ZFHX2: variants seen among roughly 807,000 people sequenced by gnomAD.
ZFHX2 encodes zinc finger homeobox 2, also known as zinc finger homeobox protein 2.
A neutral mutation model predicts 164.8 loss-of-function variants in ZFHX2; 75 were observed. The observed-to-expected ratio is 0.46, with a 90% CI of 0.38 to 0.55. The LOEUF (loss-of-function observed/expected upper bound fraction) is 0.55, where lower values mean the gene tolerates loss of function less well. ZFHX2 is among the 20% of genes least tolerant of loss of function. ZFHX2 has a pLI of 0.00. For synonymous variants in ZFHX2, 1,217 were observed against 1,351.4 expected, an observed-to-expected ratio of 0.90 and a Z score of 2.18; for missense variants, 2,933 against 3,308.0, an observed-to-expected ratio of 0.89 and a Z score of 2.78.
Position 23,525,565 on chromosome 14 carries a change from C to T in ZFHX2, c.4377G>A (p.Lys1459=), listed in dbSNP as rs1228035610. The change falls in exon 9 of 10, where the codon AAG becomes AAA. Residue 1459 remains lysine, a synonymous_variant. Transcript: ENST00000419474. The surrounding 1 kb of genome is among the most constrained non-coding windows in gnomAD (Gnocchi z 5.9). ...GGGTAGGGGGAGGGGGCACAGCTTG[C>T]TTCCCTTCATTGTACTGGATCACCA... ...FELVIQYNEG[K]QAVPPPPTPP... The T allele has an allele frequency of 6.5e-7, 1 of 1,535,642 alleles. No individual in the cohort carries two copies. The highest frequency in any genetic ancestry group is 1.2e-5 in the South Asian group (1 of 84,058).
chr14:23,545,066 A>C (rs1881247602), intron 1 of ZFHX2, among the ~76,000 whole-genome samples: 1 of 151,014 alleles, frequency 6.6e-6, no homozygotes. Flanking sequence ...TGTCCTCCAC[A>C]TTGCCATTTC....
intron 1 of ZFHX2, chr14:23,544,346 T>C (rs1281225859): frequency 6.6e-6 from 1 of 151,712 alleles, no homozygotes; most frequent in Non-Finnish European, 1.5e-5. Flanking sequence ...AGGATCATCA[T>C]TGAGATTGGC....
chr14:23,555,637 A>C (rs908241466), upstream of ZFHX2: 1 of 152,168 alleles, frequency 6.6e-6, no homozygotes, highest in African/African-American at 2.4e-5. Flanking sequence ...AAAACTCCAG[A>C]GTAGCTAAAC....
At position 23,533,049 on chromosome 14, in the gene ZFHX2, G is replaced by A; in HGVS notation, c.2077C>T (p.Pro693Ser). The change falls in exon 3 of 10, where the codon CCA becomes TCA. Residue 693 changes from proline (P) to serine (S), a missense_variant. By Grantham distance (74) the Pro-to-Ser change is moderately conservative. Transcript: ENST00000419474. The surrounding 1 kb of genome is among the most constrained non-coding windows in gnomAD (Gnocchi z 4.8). ...GATGAGGAACCCAGGAGCTGACTTG[G>A]AGGCAGGTGGGCATCAGGGGATAGG... Reference protein sequence around the residue: ...GSLSPDAHLPPSQLLGSSSDS... With the variant: ...GSLSPDAHLPSSQLLGSSSDS... 1 of 1,534,222 alleles carries A rather than the reference G, an allele frequency of 6.5e-7. No homozygotes were observed. The highest frequency in any genetic ancestry group is 1.2e-5 in the South Asian group (1 of 83,866).
rs922208606 is a variant in ZFHX2, at chr14:23,535,109, T to C, written c.217A>G (p.Ile73Val). 6.5e-7 allele frequency: 1 copy of C among 1,536,120 alleles called. No individual in the cohort carries two copies. Among genetic ancestry groups the C allele is most frequent in the Non-Finnish European group, 8.7e-7 (1 of 1,146,876 alleles). ...TCAGGCCCTTCCTGGGGCTCCCCAA[T>C]CTCCTTTGGTGGGACGAGGCCACAG... ...SGCGLVPPKE[I>V]GEPQEGPDCG... Residue 73 changes from isoleucine to valine, a missense_variant, in exon 2 of 10, where the codon ATT becomes GTT. Transcript: ENST00000419474. This position sits in a 1 kb window ranked among gnomAD's most constrained non-coding sequence, Gnocchi z 4.5.
chr14:23,525,245 T>G lies in ZFHX2; in HGVS notation c.4697A>C (p.Glu1566Ala), dbSNP rs1878551375. The change falls in exon 9 of 10, where the codon GAA becomes GCA. Residue 1566 changes from glutamate to alanine, a missense_variant. Transcript: ENST00000419474. The surrounding 1 kb of genome is among the most constrained non-coding windows in gnomAD (Gnocchi z 5.9). ...GTGTCCCCCTGCTCGACTTCGCTCTTCAGGGGCACGGGTCCCCCCTGCCTC... is the reference window on the plus strand; with the variant it reads ...GTGTCCCCCTGCTCGACTTCGCTCTGCAGGGGCACGGGTCCCCCCTGCCTC... ...EPEAGGTRAP[E>A]ERSRAGGHWP... 2.0e-6 allele frequency: 3 copies of G among 1,536,070 alleles called. No individual in the cohort carries two copies. The highest frequency in any genetic ancestry group is 3.3e-4 in the Middle Eastern group (2 of 5,990).
rs867958430 is a variant in ZFHX2, at chr14:23,523,742, C to A, written c.6200G>T (p.Arg2067Leu). The A allele has an allele frequency of 6.5e-7, 1 of 1,536,208 alleles. No individual in the cohort carries two copies. Among genetic ancestry groups the A allele is most frequent in the Non-Finnish European group, 8.7e-7 (1 of 1,146,914 alleles). Residue 2067 changes from arginine (R) to leucine (L), a missense_variant, in exon 9 of 10, where the codon CGC (arginine) becomes CTC (leucine). Coordinates refer to ENST00000419474, the MANE Select transcript of ZFHX2 (RefSeq NM_033400.3). The surrounding 1 kb of genome is among the most constrained non-coding windows in gnomAD (Gnocchi z 4.1). ...TGVPDGMGQR[R>L]YRTQMSSLQL... is the part of the protein sequence containing the mutation. ...CAGGCTGCTCATCTGGGTCCTGTAG[C>A]GCCGCTGCCCCATTCCATCTGGAAC... is the stretch of plus-strand genomic sequence containing the variant.
rs1879907189 is a variant in ZFHX2 at position 23,534,207 on chromosome 14, A to G, written c.1119T>C (p.Asp373=). ...SPVAAGEAGP[D]WFPEGQEEDG... ...CCTCTTCTTGCCCCTCAGGGAACCA[A>G]TCTGGCCCTGCCTCGCCTGCTGCTA... Residue 373 remains aspartate (D), a synonymous_variant, in exon 2 of 10, where the codon GAT becomes GAC. Transcript: ENST00000419474. The surrounding 1 kb of genome is among the most constrained non-coding windows in gnomAD (Gnocchi z 4.5). The G allele has an allele frequency of 2.7e-6, 4 of 1,495,394 alleles. No individual in the cohort carries two copies. The highest frequency in any genetic ancestry group is 3.6e-6 in the Non-Finnish European group (4 of 1,126,016). 92.6% of individuals were successfully genotyped at this position (1,495,394 alleles called of 1,614,324 possible). A position where few individuals can be genotyped will look rare whatever the true frequency, so the allele number is the denominator to read the frequency against.
rs1881929927 is a variant in ZFHX2, at chr14:23,551,314, C to T, written c.-50+29G>A. Reference sequence around the variant, plus strand: ...AGAGGGAGAGGAGAAAAAAACCAACCCAGCAGCATCGGAAATCGATGCACT... The same window carrying T: ...AGAGGGAGAGGAGAAAAAAACCAACTCAGCAGCATCGGAAATCGATGCACT... On this transcript the variant is annotated intron_variant, in intron 1 of 9. Transcript: ENST00000419474. This position sits in a 1 kb window ranked among gnomAD's most constrained non-coding sequence, Gnocchi z 5.3. 6.6e-6 allele frequency: 1 copy of T among 152,592 alleles called. No homozygotes were observed. Among genetic ancestry groups the T allele is most frequent in the Non-Finnish European group, 1.5e-5 (1 of 68,062 alleles). The allele number at this position is 152,592 out of a possible 1,614,324, so 9.5% of individuals were successfully genotyped here.
chr14:23,541,880 CT>C (rs1408747336), intron 1 of ZFHX2, among the ~76,000 whole-genome samples: 1 of 152,170 alleles, frequency 6.6e-6, no homozygotes, highest in African/African-American at 2.4e-5. Flanking sequence ...TACTTTGATT[CT>C]TCCCTTTTAA....
In ZFHX2 at chr14:23,521,816, G is replaced by A; in HGVS notation, c.*146C>T. 7.4e-7 allele frequency: 1 copy of A among 1,358,996 alleles called. No homozygotes were observed. 84.2% of individuals were successfully genotyped at this position (1,358,996 alleles called of 1,614,324 possible). The stretch of plus-strand genomic sequence containing the variant: ...CTCTGCTGGAAGTGGGGTGTGTGGT[G>A]CCCACTGAGGGTGGGAACTGAACAG... On this transcript the variant is annotated 3_prime_UTR_variant, in exon 10 of 10. Coordinates refer to ENST00000419474, the MANE Select transcript of ZFHX2 (RefSeq NM_033400.3).
intron 1 of ZFHX2, among the ~76,000 whole-genome samples, chr14:23,542,619 G>A (rs185107295): frequency 4.4e-4 from 67 of 152,264 alleles, no homozygotes; most frequent in East Asian, 3.5e-3. Context: ...GAACCAGCTC[G>A]GAACCCTTCT....
At chr14:23,540,729 AATG>A (rs1880706019) in intron 1 of ZFHX2, among the ~76,000 whole-genome samples, 1 of 152,172 alleles carries the variant, frequency 6.6e-6, no homozygotes, top group Non-Finnish European at 1.5e-5. Flanking sequence ...AAATGGGAAT[AATG>A]ATATTTTCCT....
Position 23,523,827 on chromosome 14 carries a change from C to G in ZFHX2, c.6115G>C (p.Ala2039Pro). The G allele has an allele frequency of 6.5e-7, 1 of 1,536,232 alleles. No individual in the cohort carries two copies. Among genetic ancestry groups the G allele is most frequent in the Non-Finnish European group, 8.7e-7 (1 of 1,146,930 alleles). ...DLSDSSASSL[A>P]EPESPGAGGT... ...CCAGCCCCAGGGGATTCTGGTTCAGCTAGGCTGGAAGCAGATGAATCACTC... is the reference window on the plus strand; with the variant it reads ...CCAGCCCCAGGGGATTCTGGTTCAGGTAGGCTGGAAGCAGATGAATCACTC... Residue 2039 changes from alanine to proline, a missense_variant, in exon 9 of 10, where the codon GCT becomes CCT. Physicochemically the swap from Ala to Pro is conservative, Grantham distance 27 (BLOSUM62 -1). Transcript: ENST00000419474. The surrounding 1 kb of genome is among the most constrained non-coding windows in gnomAD (Gnocchi z 4.1).
At position 23,541,444 on chromosome 14, in the gene ZFHX2, C is replaced by T. The variant is rs539394888; in HGVS notation, c.-49-6070G>A. On this transcript the variant is annotated intron_variant, in intron 1 of 9. Coordinates refer to ENST00000419474, the MANE Select transcript of ZFHX2 (RefSeq NM_033400.3). ...CTGAGACTATAGGCAGGCTCCACCACGCCCAGCTAATTTTGTATTTTTAGT... is the reference window on the plus strand; with the variant it reads ...CTGAGACTATAGGCAGGCTCCACCATGCCCAGCTAATTTTGTATTTTTAGT... Among the ~76,000 whole-genome samples the T allele has an allele frequency of 3.1e-4, 47 of 152,170 alleles. 1 individual carries two copies. The South Asian group carries it at 8.1e-3, about 26-fold the overall frequency.
intron 1 of ZFHX2, among the ~76,000 whole-genome samples, chr14:23,550,510 CA>C (rs1303509030): frequency 6.6e-6 from 1 of 152,142 alleles, no homozygotes; most frequent in Admixed American, 6.5e-5. Context: ...GAGACAGTGA[CA>C]TACAGATCCA....
At position 23,534,148 on chromosome 14, in the gene ZFHX2, G is replaced by A; in HGVS notation, c.1178C>T (p.Ser393Leu). The part of the protein sequence containing the change: ...GGLCPPLNQS[S>L]PTSKEGGTLP... ...AGTGCCCCCCTCCTTGGAGGTGGGT[G>A]AGCTTTGGTTGAGTGGGGGGCAGAG... The change falls in exon 2 of 10, where the codon TCA (serine) becomes TTA (leucine). Residue 393 changes from serine (S) to leucine (L), a missense_variant. Transcript: ENST00000419474. This position sits in a 1 kb window ranked among gnomAD's most constrained non-coding sequence, Gnocchi z 4.5. The A allele has an allele frequency of 6.8e-7, 1 of 1,473,382 alleles. No individual in the cohort carries two copies. Among genetic ancestry groups the A allele is most frequent in the South Asian group, 1.4e-5 (1 of 73,120 alleles). The allele number at this position is 1,473,382 out of a possible 1,614,324, so 91.3% of individuals were successfully genotyped here.
chr14:23,525,289 G>A lies in ZFHX2; in HGVS notation c.4653C>T (p.Pro1551=). The A allele has an allele frequency of 6.5e-7, 1 of 1,536,124 alleles. No homozygotes were observed. Residue 1551 remains proline, a synonymous_variant, in exon 9 of 10, where the codon CCC becomes CCT. Coordinates refer to ENST00000419474, the MANE Select transcript of ZFHX2 (RefSeq NM_033400.3). This position sits in a 1 kb window ranked among gnomAD's most constrained non-coding sequence, Gnocchi z 5.9. ...LDSPVPHLGP[P]FLVPEPEAGG... ...CTGCCTCAGGCTCTGGGACCAGGAA[G>A]GGTGGGCCCAGATGGGGAACAGGTG...
At position 23,531,596 on chromosome 14, in the gene ZFHX2, G is replaced by A. The variant is rs538736105; in HGVS notation, c.2685C>T (p.Arg895=). 48 of 1,526,484 alleles carry A rather than the reference G, an allele frequency of 3.1e-5. No homozygotes were observed. Among genetic ancestry groups the A allele is most frequent in the South Asian group, 1.9e-4 (16 of 82,676 alleles). 94.6% of individuals were successfully genotyped at this position (1,526,484 alleles called of 1,614,324 possible). The part of the protein sequence containing the change: ...VLQHLRTPAH[R]DAQAQRRLQL... ...GCAGACGCCTCTGGGCCTGGGCATCGCGGTGGGCAGGTGTGCGCAGGTGTT... is the reference window on the plus strand; with the variant it reads ...GCAGACGCCTCTGGGCCTGGGCATCACGGTGGGCAGGTGTGCGCAGGTGTT... Residue 895 remains arginine, a synonymous_variant, in exon 4 of 10, where the codon CGC becomes CGT. Transcript: ENST00000419474.
Sources: allele counts gnomAD v4.1 joint callset (sites outside exome capture counted in the v4.1 genomes callset), GRCh38; gene constraint gnomAD v4.1.1; non-coding constraint Gnocchi (gnomAD v3.1); transcripts MANE v1.5; gene names NCBI Gene and HGNC (gene_info 2026-07-23, HGNC 2026-07-21).